Variants in EYS observed in about 807,000 individuals in gnomAD.
EYS encodes the protein protein eyes shut homolog.
EYS carries 250 observed loss-of-function variants against 282.1 expected under a neutral mutation model. The observed-to-expected ratio is 0.89, with a 90% CI of 0.80 to 0.98. The LOEUF is 0.98. EYS is among the 50% of genes least tolerant of loss of function. The probability of loss-of-function intolerance (pLI) is 0.00; values close to 1 mark genes in which losing one functional copy is unlikely to be tolerated. For synonymous variants in EYS, 1,355 were observed against 1,282.9 expected (o/e 1.06, Z -1.20); for missense variants, 4,016 against 3,709.0 (o/e 1.08, Z -2.15).
chr6:65,215,330 T>A (rs73441363), intron 12 of EYS, among the ~76,000 whole-genome samples: 4,941 of 152,164 alleles, frequency 0.032, 109 homozygotes, highest in African/African-American at 0.057. Flanking sequence ...TGAATCATTT[T>A]AAGGTGTTCA....
chr6:64,813,272 C>A, intron 22 of EYS, 106 bp downstream of exon 22: 1 of 742,306 alleles, frequency 1.3e-6, no homozygotes. Flanking sequence ...AAGGTAAAAT[C>A]TTACTTCAAA....
At chr6:65,674,868 CTT>C (rs972716431) in intron 1 of EYS, among the ~76,000 whole-genome samples, 3 of 151,910 alleles carry the variant, frequency 2.0e-5, no homozygotes, top group Non-Finnish European at 4.4e-5. Context: ...ATATGAATCA[CTT>C]TTAGTTCTGG....
chr6:65,447,249 T>G (rs1402334092), intron 5 of EYS, among the ~76,000 whole-genome samples: 1 of 150,138 alleles, frequency 6.7e-6, no homozygotes, highest in East Asian at 1.9e-4. Context: ...AATATTGGCT[T>G]TTCTACTTCT....
At chr6:65,077,691 T>G (rs944246588) in intron 12 of EYS, among the ~76,000 whole-genome samples, 3 of 152,072 alleles carry the variant, frequency 2.0e-5, no homozygotes, top group Non-Finnish European at 4.4e-5. Flanking sequence ...TGTATTCATT[T>G]CTAGATTAAT....
chr6:65,366,494 T>C (rs1271529036), intron 8 of EYS, among the ~76,000 whole-genome samples: 1 of 151,878 alleles, frequency 6.6e-6, no homozygotes, highest in East Asian at 1.9e-4. Flanking sequence ...CTTTTGTGTA[T>C]TTTATATACA....
intron 31 of EYS, among the ~76,000 whole-genome samples, chr6:64,177,634 C>T (rs750006610): frequency 1.3e-5 from 2 of 152,052 alleles, no homozygotes; most frequent in Non-Finnish European, 2.9e-5. Flanking sequence ...TTTACTGAGG[C>T]TTATGTTTAT....
intron 31 of EYS, among the ~76,000 whole-genome samples, chr6:64,210,595 C>T (rs1203317646): frequency 6.6e-6 from 1 of 152,124 alleles, no homozygotes; most frequent in African/African-American, 2.4e-5. Context: ...TATTTCTACA[C>T]ATAGATTGTG....
rs1002994897 is a variant in EYS, at chr6:64,443,630, G to T, written c.5645-4278C>A. On this transcript the variant is annotated intron_variant, in intron 26 of 42. Transcript: ENST00000503581. The stretch of plus-strand genomic sequence containing the variant: ...CATGGGGACAGGTCTTTCCTGTGCT[G>T]TTCTTGTGATTATGAATGGTTCTTC... Among the ~76,000 whole-genome samples the T allele has an allele frequency of 2.0e-5, 3 of 152,140 alleles. No homozygotes were observed. In the East Asian group the frequency reaches 5.8e-4, roughly 29 times the overall value.
chr6:65,362,734 C>A (rs1343172997), intron 8 of EYS, among the ~76,000 whole-genome samples: 1 of 151,832 alleles, frequency 6.6e-6, no homozygotes, highest in East Asian at 1.9e-4. Context: ...TTAAAAATTT[C>A]TACATTAGTA....
intron 24 of EYS, among the ~76,000 whole-genome samples, chr6:64,616,604 GT>G (rs1320956311): frequency 6.6e-6 from 1 of 151,994 alleles, no homozygotes; most frequent in East Asian, 1.9e-4. Flanking sequence ...CTTGGTTCTG[GT>G]TTTTCCTTTC....
In EYS at chr6:64,822,665, A is replaced by C; in HGVS notation, c.3150T>G (p.Pro1050=). 1 of 1,540,222 alleles carries C rather than the reference A, an allele frequency of 6.5e-7. No individual in the cohort carries two copies. The highest frequency in any genetic ancestry group is 1.7e-4 in the Middle Eastern group (1 of 5,962). The part of the protein sequence containing the change: ...ETNANDCLSN[P]CLHGRCTELI... ...AAAATAGCTACCTTCCATGTAGACA[A>C]GGATTTGAAAGGCAATCATTGGCGT... Residue 1050 remains proline, a synonymous_variant, in exon 20 of 43, where the codon CCT becomes CCG. Coordinates refer to ENST00000503581, the MANE Select transcript of EYS (RefSeq NM_001142800.2).
intron 31 of EYS, among the ~76,000 whole-genome samples, chr6:64,171,399 G>A (rs1764475670): frequency 6.6e-6 from 1 of 152,018 alleles, no homozygotes; most frequent in African/African-American, 2.4e-5. Context: ...AGGCTCCTTA[G>A]GCTGCATTTT....
In EYS at chr6:65,285,537, G is replaced by A. The variant is rs1768338887; in HGVS notation, c.2023+10326C>T. On this transcript the variant is annotated intron_variant, in intron 12 of 42. Coordinates refer to ENST00000503581, the MANE Select transcript of EYS (RefSeq NM_001142800.2). ...CTTTTAAGAAGTGCCCTAACAGCAA[G>A]AAAAGCCATGCTATCTTCTATTCAT... Among the ~76,000 whole-genome samples, 4 of 151,930 alleles carry A rather than the reference G, an allele frequency of 2.6e-5. No homozygotes were observed. In the South Asian group the frequency reaches 8.3e-4, roughly 31 times the overall value.
At chr6:64,886,386 TTC>T (rs1364401085) in intron 19 of EYS, among the ~76,000 whole-genome samples, 1 of 152,038 alleles carries the variant, frequency 6.6e-6, no homozygotes, top group Non-Finnish European at 1.5e-5. Flanking sequence ...ATAATGTTAT[TTC>T]TGTTAGATTA....
chr6:65,334,851 T>G, intron 11 of EYS, 129 bp downstream of exon 11: 1 of 753,466 alleles, frequency 1.3e-6, no homozygotes, highest in Non-Finnish European at 2.2e-6. Flanking sequence ...TATATGTAAG[T>G]GTTTGTTATG....
chr6:63,952,080 C>T (rs761822448), intron 35 of EYS, among the ~76,000 whole-genome samples: 2 of 152,216 alleles, frequency 1.3e-5, no homozygotes, highest in Non-Finnish European at 2.9e-5. Flanking sequence ...CTCTGTGAGG[C>T]AAAACCCAGC....
chr6:64,586,609 C>T (rs1766240990), intron 26 of EYS, among the ~76,000 whole-genome samples: 1 of 152,082 alleles, frequency 6.6e-6, no homozygotes, highest in Middle Eastern at 3.4e-3. Flanking sequence ...AAAATGAACA[C>T]ATTTAATAAA....
chr6:64,771,577 T>C (rs892917095), intron 22 of EYS, among the ~76,000 whole-genome samples: 4 of 151,814 alleles, frequency 2.6e-5, no homozygotes, highest in African/African-American at 7.2e-5. Context: ...GTTTTTAGTA[T>C]GTAGGGCTTC....
intron 5 of EYS, among the ~76,000 whole-genome samples, chr6:65,475,784 CAGAGAGAG>C (rs368165713): frequency 6.7e-6 from 1 of 148,522 alleles, no homozygotes; most frequent in South Asian, 2.1e-4. Flanking sequence ...CACACAGAGA[CAGAGAGAG>C]AGAGAGAGAA....
Sources: gnomAD v4.1 joint callset for allele counts (sites outside exome capture counted in the v4.1 genomes callset) on GRCh38, gnomAD v4.1.1 for gene constraint, MANE v1.5 for transcripts, NCBI Gene and HGNC (gene_info 2026-07-23, HGNC 2026-07-21) for gene names.